Variants in RRAGD observed in about 807,000 individuals in gnomAD.
RRAGD encodes the protein ras-related GTP-binding protein D.
A neutral mutation model predicts 35.5 loss-of-function variants in RRAGD; 12 were observed. The observed-to-expected ratio is 0.34, with a 90% confidence interval of 0.22 to 0.55. The LOEUF (loss-of-function observed/expected upper bound fraction) is 0.55. Ranked by LOEUF, RRAGD falls within the 20% of genes least tolerant of loss-of-function variation. RRAGD has a pLI of 0.91. For missense variants in RRAGD, 324 were observed against 490.1 expected (o/e 0.66, Z 3.20); for synonymous variants, 155 against 178.9 (o/e 0.87, Z 1.07).
intron 1 of RRAGD, among the ~76,000 whole-genome samples, chr6:89,397,228 A>AG (rs142328030): frequency 0.032 from 4,876 of 150,198 alleles, 303 homozygotes; most frequent in East Asian, 0.27. Context: ...GAAGAATCAG[A>AG]GTAACAAGTG....
Position 89,378,302 on chromosome 6 carries a change from C to CAA in RRAGD, c.760-491_760-490dup, listed in dbSNP as rs761449714. Among the ~76,000 whole-genome samples, 1,048 of 125,724 alleles carry CAA rather than the reference C, an allele frequency of 8.3e-3. 12 individuals are homozygous for CAA. The highest frequency in any genetic ancestry group is 0.027 in the African/African-American group (964 of 35,980). 82.5% of individuals were successfully genotyped at this position (125,724 alleles called of 152,430 possible). On this transcript the variant is annotated intron_variant, in intron 4 of 6. Coordinates refer to ENST00000369415, the MANE Select transcript of RRAGD (RefSeq NM_021244.5). ...GGGCAACAAGAGCAAAACTCCGTCTCAAAAAAAAAAAAAGAATTCGAATGA... is the reference window on the plus strand; with the variant it reads ...GGGCAACAAGAGCAAAACTCCGTCTCAAAAAAAAAAAAAAAGAATTCGAATGA...
chr6:89,390,986 C>CAA (rs913843685), intron 1 of RRAGD, among the ~76,000 whole-genome samples: 1 of 152,030 alleles, frequency 6.6e-6, no homozygotes, highest in African/African-American at 2.4e-5. Context: ...TATATCCAGG[C>CAA]AAAAACTTCT....
intron 1 of RRAGD, among the ~76,000 whole-genome samples, chr6:89,410,471 T>C (rs916842259): frequency 3.9e-5 from 6 of 152,178 alleles, no homozygotes; most frequent in Admixed American, 2.0e-4. Flanking sequence ...GAGACTCCAA[T>C]AAAACGGCTG....
intron 1 of RRAGD, among the ~76,000 whole-genome samples, chr6:89,399,230 A>AG (rs1054510431): frequency 1.3e-5 from 2 of 152,166 alleles, no homozygotes; most frequent in African/African-American, 4.8e-5. Context: ...ACCACTGTGA[A>AG]GGGGGGAGGG....
At chr6:89,379,801 A>G (rs968439606) in intron 3 of RRAGD, among the ~76,000 whole-genome samples, 3 of 152,148 alleles carry the variant, frequency 2.0e-5, no homozygotes, top group African/African-American at 7.2e-5. Context: ...GAGGATTCCT[A>G]TTTGGATTGT....
At position 89,411,620 on chromosome 6, in the gene RRAGD, C is replaced by T. The variant is rs1769695128; in HGVS notation, c.148+226G>A. The T allele has an allele frequency of 3.5e-6, 2 of 567,116 alleles. No individual in the cohort carries two copies. The highest frequency in any genetic ancestry group is 3.2e-5 in the East Asian group (1 of 30,776). The allele number at this position is 567,116 out of a possible 1,614,324, so 35.1% of individuals were successfully genotyped here. On this transcript the variant is annotated intron_variant, in intron 1 of 6. Coordinates refer to ENST00000369415, the MANE Select transcript of RRAGD (RefSeq NM_021244.5). The surrounding 1 kb of genome is among the most constrained non-coding windows in gnomAD (Gnocchi z 5.6). ...GCCCAGACGCTTACTCCCTCCTTCCCCTTTTCCACCGATCCTGGTTGCCCC... is the reference window on the plus strand; with the variant it reads ...GCCCAGACGCTTACTCCCTCCTTCCTCTTTTCCACCGATCCTGGTTGCCCC...
At chr6:89,378,102 G>A (rs755195944) in intron 4 of RRAGD, among the ~76,000 whole-genome samples, 7 of 152,250 alleles carry the variant, frequency 4.6e-5, no homozygotes, top group East Asian at 1.9e-4. Flanking sequence ...CCAGGAGTTC[G>A]AAACCAGCCT....
intron 1 of RRAGD, among the ~76,000 whole-genome samples, chr6:89,397,410 T>A (rs1769358110): frequency 6.6e-6 from 1 of 152,162 alleles, no homozygotes; most frequent in Non-Finnish European, 1.5e-5. Flanking sequence ...TGAAAGTTTT[T>A]GTCCATATAA....
intron 1 of RRAGD, among the ~76,000 whole-genome samples, chr6:89,391,950 C>T (rs1465373269): frequency 9.6e-5 from 10 of 104,542 alleles, no homozygotes; most frequent in African/African-American, 5.5e-4. Flanking sequence ...AAGTGAGACC[C>T]TATCTCAAAA....
At chr6:89,389,097 C>T (rs1769186130) in intron 1 of RRAGD, among the ~76,000 whole-genome samples, 1 of 152,188 alleles carries the variant, frequency 6.6e-6, no homozygotes, top group Admixed American at 6.5e-5. Flanking sequence ...AGGCCACAGA[C>T]TGGTACAGGT....
intron 1 of RRAGD, among the ~76,000 whole-genome samples, chr6:89,405,302 CGAGA>C (rs1769556306): frequency 7.4e-6 from 1 of 135,388 alleles, no homozygotes; most frequent in South Asian, 2.3e-4. Flanking sequence ...TGCAGTGAGC[CGAGA>C]TCGCACCACT....
chr6:89,389,117 G>A (rs1212177852), intron 1 of RRAGD, among the ~76,000 whole-genome samples: 3 of 152,112 alleles, frequency 2.0e-5, no homozygotes, highest in Non-Finnish European at 4.4e-5. Context: ...TCTGTGGCCC[G>A]GGGTTTGGGG....
intron 5 of RRAGD, among the ~76,000 whole-genome samples, chr6:89,376,659 T>C (rs979305474): frequency 1.3e-5 from 2 of 152,156 alleles, no homozygotes; most frequent in Non-Finnish European, 2.9e-5. Context: ...GGTAACATAA[T>C]CAGTTTCCCC....
intron 5 of RRAGD, among the ~76,000 whole-genome samples, chr6:89,376,678 GTTTAT>G (rs1347215776): frequency 1.3e-5 from 2 of 151,780 alleles, no homozygotes; most frequent in Non-Finnish European, 2.9e-5. Flanking sequence ...CCCACTCCTT[GTTTAT>G]TTTATATTAA....
chr6:89,384,115 AGAAAG>A (rs1381578225), intron 2 of RRAGD, among the ~76,000 whole-genome samples: 1 of 151,484 alleles, frequency 6.6e-6, no homozygotes, highest in African/African-American at 2.4e-5. Context: ...AAAAAAAAAA[AGAAAG>A]AAAGGAAAGG....
At chr6:89,383,733 T>C (rs989317889) in intron 2 of RRAGD, among the ~76,000 whole-genome samples, 1 of 152,150 alleles carries the variant, frequency 6.6e-6, no homozygotes, top group Non-Finnish European at 1.5e-5. Context: ...CATTTACTCC[T>C]GGGGGATATA....
At chr6:89,368,255 T>C in intron 6 of RRAGD, 48 bp from the exon 7 acceptor site, 2 of 1,569,498 alleles carry the variant, frequency 1.3e-6, no homozygotes, top group Non-Finnish European at 1.7e-6. Context: ...AGAAATAATC[T>C]CCATCTTTTC....
intron 5 of RRAGD, among the ~76,000 whole-genome samples, chr6:89,375,542 G>C (rs1768921174): frequency 1.3e-5 from 2 of 152,230 alleles, no homozygotes; most frequent in African/African-American, 4.8e-5. Context: ...AGAGATTCCT[G>C]AGGCACCAGG....
Position 89,380,289 on chromosome 6 carries a change from C to T in RRAGD, c.523G>A (p.Glu175Lys). The change falls in exon 3 of 7, where the codon GAG becomes AAG. Residue 175 changes from glutamate (E) to lysine (K), a missense_variant. Transcript: ENST00000369415. ...AYKVNTDINF[E>K]VFIHKVDGLS... ...CCATCCACTTTATGAATAAACACCT[C>T]GAAGTTGATGTCAGTATTCACTTTG... 3 of 1,614,202 alleles carry T rather than the reference C, an allele frequency of 1.9e-6. No individual in the cohort carries two copies. The highest frequency in any genetic ancestry group is 2.5e-6 in the Non-Finnish European group (3 of 1,180,030).
Sources: allele counts gnomAD v4.1 joint callset (sites outside exome capture counted in the v4.1 genomes callset), GRCh38; gene constraint gnomAD v4.1.1; non-coding constraint Gnocchi (gnomAD v3.1); transcripts MANE v1.5; gene names NCBI Gene and HGNC (gene_info 2026-07-23, HGNC 2026-07-21).